PGM5: variants seen among roughly 807,000 people sequenced by gnomAD.
PGM5 encodes phosphoglucomutase-like protein 5.
PGM5 carries 23 observed loss-of-function variants against 59.2 expected under a neutral mutation model. The observed-to-expected ratio is 0.39, with a 90% confidence interval of 0.28 to 0.55. The LOEUF is 0.55. PGM5 is among the 20% of genes least tolerant of loss of function. The probability of loss-of-function intolerance (pLI) is 0.66; values close to 1 mark genes in which losing one functional copy is unlikely to be tolerated. For missense variants in PGM5, 574 were observed against 748.3 expected (o/e 0.77, Z 2.72); for synonymous variants, 214 against 286.0 (o/e 0.75, Z 2.54).
At chr9:68,471,873 C>T (rs989272803) in intron 7 of PGM5, among the ~76,000 whole-genome samples, 2 of 151,678 alleles carry the variant, frequency 1.3e-5, no homozygotes, top group Admixed American at 6.6e-5. Context: ...GAGCCAAGAT[C>T]GTGCTACTGC....
chr9:68,455,437 A>T (rs1292699486), intron 6 of PGM5, among the ~76,000 whole-genome samples: 1 of 152,078 alleles, frequency 6.6e-6, no homozygotes, highest in Non-Finnish European at 1.5e-5. Flanking sequence ...ATATTGGTGG[A>T]CAGGTTAGCA....
At chr9:68,457,972 C>T (rs78972899) in intron 6 of PGM5, among the ~76,000 whole-genome samples, 3,550 of 152,258 alleles carry the variant, frequency 0.023, 126 homozygotes, top group African/African-American at 0.079. Context: ...CTCAACTTAG[C>T]TGGAGCACTT....
At chr9:68,374,068 G>A (rs1821811115) in intron 1 of PGM5, among the ~76,000 whole-genome samples, 1 of 152,298 alleles carries the variant, frequency 6.6e-6, no homozygotes, top group African/African-American at 2.4e-5. Flanking sequence ...CCCCTGGCTG[G>A]GCAGCTGTTC....
chr9:68,426,942 G>C (rs538168331), intron 6 of PGM5: 1 of 152,336 alleles, frequency 6.6e-6, no homozygotes, highest in Admixed American at 6.5e-5. Flanking sequence ...GCATGGCCTG[G>C]CTTGTCACAA....
intron 1 of PGM5, among the ~76,000 whole-genome samples, chr9:68,362,792 C>G (rs1364572496): frequency 2.6e-5 from 4 of 151,148 alleles, no homozygotes; most frequent in Non-Finnish European, 5.9e-5. Flanking sequence ...CTTTCTTATT[C>G]TTAAATCATC....
intron 6 of PGM5, among the ~76,000 whole-genome samples, chr9:68,423,342 C>A (rs1280651638): frequency 6.6e-6 from 1 of 152,218 alleles, no homozygotes; most frequent in African/African-American, 2.4e-5. Context: ...TTCCCACCAG[C>A]AGTATAGAAG....
At chr9:68,490,595 T>A (rs1824375465) in intron 9 of PGM5, among the ~76,000 whole-genome samples, 1 of 152,236 alleles carries the variant, frequency 6.6e-6, no homozygotes, top group African/African-American at 2.4e-5. Context: ...CCTCAGGTGA[T>A]CTGCTTGCCT....
At chr9:68,388,563 C>T (rs1485433786) in intron 4 of PGM5, among the ~76,000 whole-genome samples, 1 of 152,132 alleles carries the variant, frequency 6.6e-6, no homozygotes, top group South Asian at 2.1e-4. Context: ...TTTACTCGTA[C>T]ATTTTGGAGG....
chr9:68,358,995 C>A (rs2482649), intron 1 of PGM5, among the ~76,000 whole-genome samples: 1 of 145,464 alleles, frequency 6.9e-6, no homozygotes, highest in Non-Finnish European at 1.5e-5. Context: ...TGGAGAATAA[C>A]GAGCCTTGGG....
At chr9:68,473,081 AATCT>A (rs763771628) in intron 7 of PGM5, among the ~76,000 whole-genome samples, 54 of 152,168 alleles carry the variant, frequency 3.5e-4, no homozygotes, top group Middle Eastern at 3.2e-3. Flanking sequence ...AATGAAAATC[AATCT>A]ATCTATCAGT....
chr9:68,473,458 C>T (rs1824054387), intron 7 of PGM5, among the ~76,000 whole-genome samples: 1 of 152,160 alleles, frequency 6.6e-6, no homozygotes, highest in Admixed American at 6.5e-5. Flanking sequence ...AATTGCCCAG[C>T]TTGGAACCTT....
At chr9:68,401,748 A>T (rs565640772) in intron 6 of PGM5, among the ~76,000 whole-genome samples, 1 of 152,132 alleles carries the variant, frequency 6.6e-6, no homozygotes, top group East Asian at 1.9e-4. Context: ...TCTCTCTTTT[A>T]TTCCTTGTGA....
rs183839124 is a variant in PGM5 at position 68,424,509 on chromosome 9, G to T, written c.1043+32036G>T. 2.1e-3 allele frequency among the ~76,000 whole-genome samples: 314 copies of T among 152,128 alleles called. 6 individuals carry two copies. Among genetic ancestry groups the T allele is most frequent in the Middle Eastern group, 3.4e-3 (1 of 294 alleles). On this transcript the variant is annotated intron_variant, in intron 6 of 10. Transcript: ENST00000396396. ...CCTTGGGATCTAATCACCCCCAAAA[G>T]GTCCCACCTCCTAAAATCATATTAT...
intron 6 of PGM5, among the ~76,000 whole-genome samples, chr9:68,449,072 T>A (rs1330311892): frequency 3.3e-5 from 5 of 152,236 alleles, no homozygotes; most frequent in Non-Finnish European, 7.3e-5. Context: ...GGTTCATAGA[T>A]GGCTGTCTTT....
chr9:68,410,802 A>C (rs1822916005), intron 6 of PGM5, among the ~76,000 whole-genome samples: 1 of 150,192 alleles, frequency 6.7e-6, no homozygotes, highest in Admixed American at 6.6e-5. Flanking sequence ...GTTGCAAGTA[A>C]CAAAAACTGA....
Position 68,530,638 on chromosome 9 carries a change from A to G in PGM5, c.*982A>G, listed in dbSNP as rs935011290. Reference sequence around the variant, plus strand: ...GGAGAGGATGAAATGCTGTAAAAGTAGGAAATGAAGTGGAAGCTGGAAGAA... The same window carrying G: ...GGAGAGGATGAAATGCTGTAAAAGTGGGAAATGAAGTGGAAGCTGGAAGAA... On this transcript the variant is annotated 3_prime_UTR_variant, in exon 11 of 11. Coordinates refer to ENST00000396396, the MANE Select transcript of PGM5 (RefSeq NM_021965.4). 7 of 152,280 alleles carry G rather than the reference A, an allele frequency of 4.6e-5. No homozygotes were observed. Among genetic ancestry groups the G allele is most frequent in the African/African-American group, 1.4e-4 (6 of 41,450 alleles). The allele number at this position is 152,280 out of a possible 1,614,324, so 9.4% of individuals were successfully genotyped here.
chr9:68,377,175 C>T lies in PGM5; in HGVS notation c.262-1024C>T, dbSNP rs547205810. Among the ~76,000 whole-genome samples the T allele has an allele frequency of 8.6e-4, 131 of 152,230 alleles. 1 individual carries two copies. Among genetic ancestry groups the T allele is most frequent in the African/African-American group, 2.9e-3 (121 of 41,540 alleles). Reference sequence around the variant, plus strand: ...CTCTGGACCTCAAGTGATCTGCCCACCTCAGCCTCCCAAAGTGCTGGGATT... The same window carrying T: ...CTCTGGACCTCAAGTGATCTGCCCATCTCAGCCTCCCAAAGTGCTGGGATT... On this transcript the variant is annotated intron_variant, in intron 1 of 10. Transcript: ENST00000396396.
chr9:68,466,232 G>A (rs1367055255), intron 7 of PGM5: 17 of 1,222,102 alleles, frequency 1.4e-5, no homozygotes, highest in Admixed American at 3.4e-5. Context: ...ATCTGCTGAT[G>A]AGCCTGTTGA....
chr9:68,422,780 T>C (rs1554682436), intron 6 of PGM5, among the ~76,000 whole-genome samples: 5 of 152,120 alleles, frequency 3.3e-5, no homozygotes, highest in Non-Finnish European at 7.4e-5. Context: ...GTTACATGAG[T>C]AAGTTCTTTA....
Sources: gnomAD v4.1 joint callset for allele counts (sites outside exome capture counted in the v4.1 genomes callset) on GRCh38, gnomAD v4.1.1 for gene constraint, MANE v1.5 for transcripts, NCBI Gene and HGNC (gene_info 2026-07-23, HGNC 2026-07-21) for gene names.